Variants in SPIDR observed in about 807,000 individuals in gnomAD.
SPIDR encodes the protein scaffold protein involved in DNA repair, also known as DNA repair-scaffolding protein.
A neutral mutation model predicts 104.6 loss-of-function variants in SPIDR; 93 were observed. The ratio of observed to expected loss-of-function variants is 0.89; its 90% CI spans 0.75 to 1.06. SPIDR has a LOEUF of 1.06. SPIDR is among the 50% of genes least tolerant of loss of function. SPIDR has a pLI of 0.00. For synonymous variants in SPIDR, 431 were observed against 416.9 expected (o/e 1.03, Z -0.41); for missense variants, 1,154 against 1,111.2 (o/e 1.04, Z -0.55).
chr8:47,277,691 T>G (rs1228780148), intron 1 of SPIDR, among the ~76,000 whole-genome samples: 3 of 148,304 alleles, frequency 2.0e-5, no homozygotes, highest in East Asian at 2.0e-4. Context: ...TTTTTTTTTT[T>G]GAGACAGAGT....
rs1217534825 is a variant in SPIDR, at chr8:47,499,990, G to A, written c.1097+59448G>A. Among the ~76,000 whole-genome samples, 5 of 152,176 alleles carry A rather than the reference G, an allele frequency of 3.3e-5. No homozygotes were observed. The East Asian group carries it at 5.8e-4, about 18-fold the overall frequency. On this transcript the variant is annotated intron_variant, in intron 8 of 19. Transcript: ENST00000297423. The stretch of plus-strand genomic sequence containing the variant: ...CATGAACTCATCCTTTTTTATGGCT[G>A]CATAGTATTCCATGGTGTATATGTG...
rs996564874 is a variant in SPIDR, at chr8:47,277,876, A to G, written c.34-1986A>G. Among the ~76,000 whole-genome samples the G allele has an allele frequency of 3.4e-4, 52 of 151,382 alleles. 1 individual carries two copies. The highest frequency in any genetic ancestry group is 1.3e-3 in the African/African-American group (52 of 41,250). On this transcript the variant is annotated intron_variant, in intron 1 of 19. Transcript: ENST00000297423. The stretch of plus-strand genomic sequence containing the variant: ...TTTTTGGTAGAGATAGGTTTTCACC[A>G]TGTTGGTCAGGCTGGTCTTAACTCC...
chr8:47,570,613 A>G (rs2058397512), intron 8 of SPIDR, among the ~76,000 whole-genome samples: 1 of 152,232 alleles, frequency 6.6e-6, no homozygotes, highest in Non-Finnish European at 1.5e-5. Context: ...CAAGAAAGTG[A>G]AAAGTTAACC....
chr8:47,317,649 C>G (rs2154259466), intron 5 of SPIDR, among the ~76,000 whole-genome samples: 1 of 152,306 alleles, frequency 6.6e-6, no homozygotes, highest in Non-Finnish European at 1.5e-5. Flanking sequence ...ACTGCCTCCT[C>G]AAGTGGGTCC....
chr8:47,399,157 G>A (rs1414418037), intron 6 of SPIDR, among the ~76,000 whole-genome samples: 1 of 152,234 alleles, frequency 6.6e-6, no homozygotes, highest in Non-Finnish European at 1.5e-5. Context: ...CATCATGTTT[G>A]TATGTTGATA....
intron 8 of SPIDR, among the ~76,000 whole-genome samples, chr8:47,448,405 TTTAC>T (rs1554703549): frequency 6.6e-6 from 1 of 152,194 alleles, no homozygotes; most frequent in Admixed American, 6.5e-5. Flanking sequence ...TTACTGAATG[TTTAC>T]TTACTTACTC....
intron 5 of SPIDR, among the ~76,000 whole-genome samples, chr8:47,380,781 A>G (rs1279520211): frequency 6.6e-6 from 1 of 152,196 alleles, no homozygotes; most frequent in Non-Finnish European, 1.5e-5. Flanking sequence ...TGTTTACCTC[A>G]GAAAATATTT....
intron 5 of SPIDR, among the ~76,000 whole-genome samples, chr8:47,354,012 GTAT>G (rs2054047278): frequency 6.6e-6 from 1 of 152,078 alleles, no homozygotes; most frequent in African/African-American, 2.4e-5. Context: ...TTTGATACTA[GTAT>G]CACATTCTTG....
intron 5 of SPIDR, among the ~76,000 whole-genome samples, chr8:47,322,290 C>T (rs1268881060): frequency 6.6e-6 from 1 of 152,208 alleles, no homozygotes; most frequent in Non-Finnish European, 1.5e-5. Flanking sequence ...TATGAGCAGA[C>T]ACTTCTCAAA....
intron 11 of SPIDR, among the ~76,000 whole-genome samples, chr8:47,677,984 G>A (rs1337886647): frequency 6.6e-6 from 1 of 151,242 alleles, no homozygotes; most frequent in Non-Finnish European, 1.5e-5. Context: ...CGGGCAGATC[G>A]CTTGAGCTCA....
chr8:47,659,078 C>G (rs2073545503), intron 10 of SPIDR, among the ~76,000 whole-genome samples: 1 of 151,976 alleles, frequency 6.6e-6, no homozygotes, highest in Non-Finnish European at 1.5e-5. Flanking sequence ...GGCAACATGG[C>G]CTAGCCCCGT....
chr8:47,693,332 T>G (rs976468355), intron 11 of SPIDR, among the ~76,000 whole-genome samples: 3 of 152,212 alleles, frequency 2.0e-5, no homozygotes, highest in African/African-American at 7.2e-5. Flanking sequence ...ACAAGTGAAT[T>G]TAGGTTAAAG....
At chr8:47,592,071 A>C in intron 8 of SPIDR, 1 of 1,142,270 alleles carries the variant, frequency 8.8e-7, no homozygotes. Flanking sequence ...GACTGTGTCC[A>C]TTAAATGCAA....
intron 5 of SPIDR, among the ~76,000 whole-genome samples, chr8:47,395,692 C>T (rs917445000): frequency 8.6e-5 from 13 of 151,914 alleles, no homozygotes; most frequent in Admixed American, 3.3e-4. Context: ...ATTGGCCATA[C>T]GATATGAATT....
chr8:47,612,972 A>G (rs1455560901), intron 10 of SPIDR, among the ~76,000 whole-genome samples: 2 of 152,208 alleles, frequency 1.3e-5, no homozygotes, highest in Non-Finnish European at 2.9e-5. Context: ...ATGTGTATGT[A>G]TGCATTAACT....
At chr8:47,626,119 G>C (rs1267238947) in intron 10 of SPIDR, among the ~76,000 whole-genome samples, 8 of 152,098 alleles carry the variant, frequency 5.3e-5, no homozygotes, top group South Asian at 2.1e-4. Flanking sequence ...ACAAACCTGA[G>C]AAAAACAAGC....
chr8:47,554,730 T>A (rs2091099961), intron 8 of SPIDR, among the ~76,000 whole-genome samples: 1 of 152,186 alleles, frequency 6.6e-6, no homozygotes. Flanking sequence ...CTGCTTCGGC[T>A]CACACTTTGT....
chr8:47,642,973 A>G (rs1005641922), intron 10 of SPIDR, among the ~76,000 whole-genome samples: 1 of 152,222 alleles, frequency 6.6e-6, no homozygotes, highest in Non-Finnish European at 1.5e-5. Context: ...AAATTTGGGA[A>G]ATTATGAAGA....
intron 8 of SPIDR, among the ~76,000 whole-genome samples, chr8:47,551,002 C>T (rs1018523674): frequency 2.6e-5 from 4 of 152,086 alleles, no homozygotes; most frequent in Non-Finnish European, 5.9e-5. Flanking sequence ...TTGTCAAAGG[C>T]CTTTTCTGCA....
Sources: allele counts gnomAD v4.1 joint callset (sites outside exome capture counted in the v4.1 genomes callset), GRCh38; gene constraint gnomAD v4.1.1; transcripts MANE v1.5; gene names NCBI Gene and HGNC (gene_info 2026-07-23, HGNC 2026-07-21).